DGKE: variants seen among roughly 807,000 people sequenced by gnomAD.
DGKE encodes the protein DAG kinase epsilon.
DGKE carries 53 observed loss-of-function variants against 70.0 expected under a neutral mutation model. The observed-to-expected ratio is 0.76, with a 90% CI of 0.61 to 0.95. The LOEUF is 0.95. DGKE is among the 40% of genes least tolerant of loss of function. The probability of loss-of-function intolerance (pLI) is 0.00; values close to 1 mark genes in which losing one functional copy is unlikely to be tolerated. For synonymous variants in DGKE, 291 were observed against 257.0 expected, an observed-to-expected ratio of 1.13 and a Z score of -1.27; for missense variants, 655 against 706.9, an observed-to-expected ratio of 0.93 and a Z score of 0.83.
chr17:56,839,338 C>T (rs1257183469), intron 2 of DGKE, among the ~76,000 whole-genome samples: 1 of 151,954 alleles, frequency 6.6e-6, no homozygotes, highest in African/African-American at 2.4e-5. Context: ...AAGCTGTTAC[C>T]CAATGACATG....
At chr17:56,847,794 A>C in intron 4 of DGKE, 128 bp from the exon 5 acceptor site, 2 of 533,150 alleles carry the variant, frequency 3.8e-6, no homozygotes, top group Non-Finnish European at 5.8e-6. Context: ...GGTGCCTGGC[A>C]TATTGTTAAA....
chr17:56,839,353 T>TA (rs1906823857), intron 2 of DGKE, among the ~76,000 whole-genome samples: 1 of 152,204 alleles, frequency 6.6e-6, no homozygotes. Flanking sequence ...GACATGATGC[T>TA]AAAGCTGAAA....
intron 3 of DGKE, among the ~76,000 whole-genome samples, chr17:56,845,134 G>C (rs1340541815): frequency 6.6e-6 from 1 of 152,090 alleles, no homozygotes; most frequent in African/African-American, 2.4e-5. Flanking sequence ...TACAAGGAGA[G>C]GGGAAGAAGA....
chr17:56,839,472 G>T (rs1906829563), intron 2 of DGKE, among the ~76,000 whole-genome samples: 1 of 152,156 alleles, frequency 6.6e-6, no homozygotes, highest in Admixed American at 6.5e-5. Flanking sequence ...TTTGAATATG[G>T]TATTTCTAAA....
At chr17:56,837,467 C>T (rs1232825554) in intron 2 of DGKE, among the ~76,000 whole-genome samples, 1 of 152,180 alleles carries the variant, frequency 6.6e-6, no homozygotes, top group African/African-American at 2.4e-5. Context: ...TAACCCCTTA[C>T]CCCATGATAG....
At chr17:56,839,934 A>G (rs1280131373) in intron 2 of DGKE, among the ~76,000 whole-genome samples, 1 of 152,048 alleles carries the variant, frequency 6.6e-6, no homozygotes, top group East Asian at 1.9e-4. Flanking sequence ...TAATCCCAGC[A>G]CTTTGGGAGG....
intron 2 of DGKE, among the ~76,000 whole-genome samples, chr17:56,841,948 C>T (rs968358791): frequency 8.5e-5 from 13 of 152,098 alleles, no homozygotes; most frequent in African/African-American, 3.1e-4. Flanking sequence ...GCACACGTTA[C>T]CACGCCAAGC....
In DGKE at chr17:56,861,772, T is replaced by G; in HGVS notation, c.1285-19T>G. On this transcript the variant is annotated intron_variant, in intron 9 of 11. Transcript: ENST00000284061. ...AATTGTGTATCCTGTAGTCACTATC[T>G]ATTTGTATTTCTTTAAAGCTAGAAC... 6.2e-7 allele frequency: 1 copy of G among 1,610,112 alleles called. No individual in the cohort carries two copies. Among genetic ancestry groups the G allele is most frequent in the Admixed American group, 1.7e-5 (1 of 58,458 alleles).
chr17:56,844,367 G>C (rs551242598), intron 3 of DGKE, among the ~76,000 whole-genome samples, 189 bp downstream of exon 3: 118 of 152,270 alleles, frequency 7.7e-4, no homozygotes, highest in Middle Eastern at 3.4e-3. Context: ...CTAGTTCCTA[G>C]AGATGGGTCA....
chr17:56,861,697 A>G (rs1908301357), intron 9 of DGKE, 94 bp from the exon 10 acceptor site: 3 of 1,550,144 alleles, frequency 1.9e-6, no homozygotes, highest in Non-Finnish European at 2.6e-6. Context: ...TCTCTCATAT[A>G]TAAGCACATT....
At chr17:56,847,646 A>G (rs1907374246) in intron 4 of DGKE, 1 of 172,508 alleles carries the variant, frequency 5.8e-6, no homozygotes, top group Non-Finnish European at 1.2e-5. Flanking sequence ...GTATTTCAGC[A>G]CTTAATTACC....
chr17:56,840,100 G>A (rs180892885), intron 2 of DGKE, among the ~76,000 whole-genome samples: 208 of 152,204 alleles, frequency 1.4e-3, no homozygotes, highest in Non-Finnish European at 2.6e-3. Flanking sequence ...GGAGGCGGAG[G>A]TTGCTGTGAG....
chr17:56,842,568 A>G (rs995315557), intron 2 of DGKE, among the ~76,000 whole-genome samples: 20 of 152,218 alleles, frequency 1.3e-4, no homozygotes, highest in African/African-American at 4.8e-4. Flanking sequence ...TGATTATGCA[A>G]ATTATTTCAG....
intron 4 of DGKE, 95 bp downstream of exon 4, chr17:56,845,904 G>A (rs1436138935): frequency 1.6e-6 from 2 of 1,229,274 alleles, no homozygotes; most frequent in Non-Finnish European, 2.2e-6. Context: ...CCTGATCATA[G>A]GAAAGAATAA....
chr17:56,834,785 C>T lies in DGKE; in HGVS notation c.-11C>T, dbSNP rs1906464044. 1.3e-6 allele frequency: 2 copies of T among 1,592,282 alleles called. No homozygotes were observed. The highest frequency in any genetic ancestry group is 2.7e-5 in the African/African-American group (2 of 74,630). On this transcript the variant is annotated 5_prime_UTR_variant, in exon 2 of 12. Transcript: ENST00000284061. ...TGTTTCTTTTCTGGTTAGGTATCGT[C>T]CTTGGAGAAGATGGAAGCGGAGAGG...
At position 56,866,724 on chromosome 17, in the gene DGKE, C is replaced by T. The variant is rs572703012; in HGVS notation, c.*3933C>T. On this transcript the variant is annotated 3_prime_UTR_variant, in exon 12 of 12. Transcript: ENST00000284061. ...TCCAAGGGGCAGTGAGCCATGGAGG[C>T]GCCTGCCTTCTCACTGCAGTCAATG... 19 of 152,218 alleles carry T rather than the reference C, an allele frequency of 1.2e-4. No homozygotes were observed. The highest frequency in any genetic ancestry group is 3.9e-4 in the Admixed American group (6 of 15,276). 9.4% of individuals were successfully genotyped at this position (152,218 alleles called of 1,614,324 possible). A position where few individuals can be genotyped will look rare whatever the true frequency, so the allele number is the denominator to read the frequency against.
chr17:56,841,517 C>T (rs1429984205), intron 2 of DGKE, among the ~76,000 whole-genome samples: 2 of 152,058 alleles, frequency 1.3e-5, no homozygotes. Flanking sequence ...TCAGTTTTAC[C>T]TACTAATCAG....
Position 56,834,981 on chromosome 17 carries a change from G to T in DGKE, c.186G>T (p.Trp62Cys). Residue 62 changes from tryptophan to cysteine, a missense_variant, in exon 2 of 12, where the codon TGG becomes TGT. Trp to Cys is a radical substitution (Grantham distance 215). Transcript: ENST00000284061. ...TCTTCCGCAAGAGCAAGCACGGGTG[G>T]CGCGACACGGACCTGTTCAGCCAGC... ...RDIFRKSKHG[W>C]RDTDLFSQPT... 6.2e-7 allele frequency: 1 copy of T among 1,612,660 alleles called. No homozygotes were observed.
At chr17:56,859,718 A>G (rs547996282) in intron 9 of DGKE, among the ~76,000 whole-genome samples, 7 of 152,278 alleles carry the variant, frequency 4.6e-5, no homozygotes, top group African/African-American at 1.4e-4. Flanking sequence ...GCGCCCAGCC[A>G]GATATGGCAG....
Sources: allele counts gnomAD v4.1 joint callset (sites outside exome capture counted in the v4.1 genomes callset), GRCh38; gene constraint gnomAD v4.1.1; transcripts MANE v1.5; gene names NCBI Gene and HGNC (gene_info 2026-07-23, HGNC 2026-07-21).